GNAS: variants seen among roughly 807,000 people sequenced by gnomAD.
The protein encoded by GNAS is protein ALEX.
GNAS carries 8 observed loss-of-function variants against 54.5 expected under a neutral mutation model. The ratio of observed to expected loss-of-function variants is 0.15; its 90% CI spans 0.09 to 0.26. The LOEUF is 0.26. Ranked by LOEUF, GNAS falls within the 10% of genes least tolerant of loss-of-function variation. The probability of loss-of-function intolerance (pLI) is 1.00; values close to 1 mark genes in which losing one functional copy is unlikely to be tolerated. For missense variants in GNAS, 170 were observed against 529.8 expected, an observed-to-expected ratio of 0.32 and a Z score of 6.67; for synonymous variants, 204 against 191.4, an observed-to-expected ratio of 1.07 and a Z score of -0.54.
chr20:58,897,430 G>T (rs1275810811), intron 2 of GNAS: 3 of 152,160 alleles, frequency 2.0e-5, no homozygotes, highest in African/African-American at 7.2e-5. Flanking sequence ...GTATCCTCTA[G>T]ATAAATATTT....
At chr20:58,852,611 G>T (rs1275350710) in intron 1 of GNAS, 2 of 179,950 alleles carry the variant, frequency 1.1e-5, no homozygotes, top group African/African-American at 2.4e-5. Context: ...GGTTGGGGAG[G>T]GAGGGTTTCA....
intron 1 of GNAS, among the ~76,000 whole-genome samples, chr20:58,846,687 A>C (rs1405651230): frequency 1.3e-5 from 2 of 151,786 alleles, no homozygotes; most frequent in Non-Finnish European, 2.9e-5. Context: ...TCTCCCCTCA[A>C]CCCCATGTGA....
chr20:58,869,968 C>T (rs541444684), intron 1 of GNAS, among the ~76,000 whole-genome samples: 1 of 152,284 alleles, frequency 6.6e-6, no homozygotes, highest in East Asian at 1.9e-4. Context: ...TTGCCATTCC[C>T]TTCCATTTCT....
intron 1 of GNAS, among the ~76,000 whole-genome samples, chr20:58,869,804 CCT>C (rs2087316035): frequency 6.6e-6 from 1 of 152,240 alleles, no homozygotes; most frequent in Non-Finnish European, 1.5e-5. Flanking sequence ...GCGAAGGTGT[CCT>C]CTCTAAGGAT....
chr20:58,858,384 G>GAAATCAA (rs1486545348), intron 1 of GNAS, among the ~76,000 whole-genome samples: 1 of 152,148 alleles, frequency 6.6e-6, no homozygotes, highest in African/African-American at 2.4e-5. Flanking sequence ...GAGAGAGAGA[G>GAAATCAA]AGAGAAAGAT....
At chr20:58,842,527 G>C in intron 1 of GNAS, 1 of 398,634 alleles carries the variant, frequency 2.5e-6, no homozygotes, top group Non-Finnish European at 4.4e-6. Context: ...ACTGTGGTTG[G>C]ATGCTTTTGT....
At position 58,853,838 on chromosome 20, in the gene GNAS, T is replaced by C. The variant is rs756713819; in HGVS notation, c.43+12952T>C. On this transcript the variant is annotated intron_variant, in intron 1 of 12. Coordinates refer to the GNAS transcript ENST00000306090. The surrounding 1 kb of genome is among the most constrained non-coding windows in gnomAD (Gnocchi z 4.4). ...ACCTTGCTCCAGGAGGCCCAGGTGC[T>C]GCAGGGGTCCCCGGAGCTCCTCCCG... 64 of 1,597,512 alleles carry C rather than the reference T, an allele frequency of 4.0e-5. No homozygotes were observed. In the East Asian group the frequency reaches 1.5e-3, roughly 36 times the overall value.
chr20:58,845,932 G>A (rs2085924833), intron 1 of GNAS, among the ~76,000 whole-genome samples: 1 of 152,216 alleles, frequency 6.6e-6, no homozygotes, highest in African/African-American at 2.4e-5. Flanking sequence ...ACTGGGCATA[G>A]CCTGTGTGTT....
intron 3 of GNAS, chr20:58,899,872 CGGGGA>C (rs1266459052): frequency 5.6e-6 from 4 of 711,152 alleles, no homozygotes; most frequent in Non-Finnish European, 1.0e-5. Flanking sequence ...CTTCTGTGGC[CGGGGA>C]GGGGAGGGGC....
upstream of GNAS, chr20:58,889,228 C>CGGCGA: frequency 1.7e-6 from 2 of 1,206,898 alleles, no homozygotes; most frequent in South Asian, 1.4e-5. Context: ...CTGGCCGGCG[C>CGGCGA]GGCGCTCCCC....
chr20:58,885,118 A>G (rs188176380), intron 1 of GNAS: 1 of 152,336 alleles, frequency 6.6e-6, no homozygotes, highest in Admixed American at 6.5e-5. Context: ...CTTGAGGTAG[A>G]TGGTGGTTTT....
At chr20:58,852,796 A>G (rs1600701253) in intron 1 of GNAS, 1 of 226,724 alleles carries the variant, frequency 4.4e-6, no homozygotes, top group East Asian at 6.4e-5. Context: ...CCCCTTACCC[A>G]AAGTCCCGGG....
At chr20:58,875,888 A>G (rs2087779648) in intron 1 of GNAS, among the ~76,000 whole-genome samples, 1 of 152,240 alleles carries the variant, frequency 6.6e-6, no homozygotes, top group African/African-American at 2.4e-5. Flanking sequence ...TATAATGTGA[A>G]GGGCATGGGG....
chr20:58,849,116 T>A (rs1271136694), intron 1 of GNAS, among the ~76,000 whole-genome samples: 1 of 152,140 alleles, frequency 6.6e-6, no homozygotes, highest in Non-Finnish European at 1.5e-5. Context: ...TCTGGAGACA[T>A]TTTTGGTTGT....
Position 58,855,372 on chromosome 20 carries a change from C to T in GNAS, c.43+14486C>T, listed in dbSNP as rs531233061. 155 of 1,504,148 alleles carry T rather than the reference C, an allele frequency of 1.0e-4. No homozygotes were observed. In the African/African-American group the frequency reaches 1.8e-3, roughly 17 times the overall value. 93.2% of individuals were successfully genotyped at this position (1,504,148 alleles called of 1,614,324 possible). ...CTCTGCCTGCGGGCAGCAGGGCCGC[C>T]GGGGAACCGGGGAGGGGGTGGCAGG... On this transcript the variant is annotated intron_variant, in intron 1 of 12. Coordinates refer to the GNAS transcript ENST00000306090.
In GNAS at chr20:58,853,196, T is replaced by C. The variant is rs751779579; in HGVS notation, c.43+12310T>C. On this transcript the variant is annotated intron_variant, in intron 1 of 12. Transcript: ENST00000306090. The surrounding 1 kb of genome is among the most constrained non-coding windows in gnomAD (Gnocchi z 4.4). ...TTTTAAAATAATAATAATAATTTTTTCACCCTAGTTCGGTTGGGTGCTCCA... is the reference window on the plus strand; with the variant it reads ...TTTTAAAATAATAATAATAATTTTTCCACCCTAGTTCGGTTGGGTGCTCCA... The C allele has an allele frequency of 8.9e-6, 13 of 1,457,274 alleles. No homozygotes were observed. The highest frequency in any genetic ancestry group is 1.2e-5 in the Non-Finnish European group (13 of 1,102,694). 90.3% of individuals were successfully genotyped at this position (1,457,274 alleles called of 1,614,324 possible). A position where few individuals can be genotyped will look rare whatever the true frequency, so the allele number is the denominator to read the frequency against.
At chr20:58,880,915 G>T (rs1488397285) in intron 1 of GNAS, among the ~76,000 whole-genome samples, 1 of 152,130 alleles carries the variant, frequency 6.6e-6, no homozygotes, top group African/African-American at 2.4e-5. Flanking sequence ...AAACTGAGTG[G>T]ATGTATAGTT....
chr20:58,882,404 C>T (rs2088295715), intron 1 of GNAS, among the ~76,000 whole-genome samples: 3 of 152,216 alleles, frequency 2.0e-5, no homozygotes, highest in African/African-American at 4.8e-5. Context: ...CTAAGGCTGA[C>T]ATTTTTGTTG....
chr20:58,871,217 CAG>C (rs2087423883), intron 1 of GNAS, among the ~76,000 whole-genome samples: 1 of 152,160 alleles, frequency 6.6e-6, no homozygotes, highest in Non-Finnish European at 1.5e-5. Flanking sequence ...GTGAACGACT[CAG>C]AAATTAAAAC....
Sources: gnomAD v4.1 joint callset for allele counts (sites outside exome capture counted in the v4.1 genomes callset) on GRCh38, gnomAD v4.1.1 for gene constraint, Gnocchi (gnomAD v3.1) non-coding constraint, MANE v1.5 for transcripts, NCBI Gene and HGNC (gene_info 2026-07-23, HGNC 2026-07-21) for gene names.